ZBTB40: variants seen among roughly 807,000 people sequenced by gnomAD.
ZBTB40 encodes the protein zinc finger and BTB domain-containing protein 40.
ZBTB40 carries 60 observed loss-of-function variants against 117.5 expected under a neutral mutation model. That is an observed-to-expected ratio of 0.51 (90% CI 0.41 to 0.63). The LOEUF is 0.63. ZBTB40 is among the 30% of genes least tolerant of loss of function. The probability of loss-of-function intolerance (pLI) is 0.00; values close to 1 mark genes in which losing one functional copy is unlikely to be tolerated. For synonymous variants in ZBTB40, 525 were observed against 577.1 expected, an observed-to-expected ratio of 0.91 and a Z score of 1.29; for missense variants, 1,287 against 1,498.5, an observed-to-expected ratio of 0.86 and a Z score of 2.33.
intron 3 of ZBTB40, among the ~76,000 whole-genome samples, chr1:22,496,407 T>C (rs1444959566): frequency 6.6e-6 from 1 of 151,974 alleles, no homozygotes; most frequent in African/African-American, 2.4e-5. Context: ...CACATTGATA[T>C]AAAACAACTA....
intron 13 of ZBTB40, chr1:22,517,756 C>T (rs555232861): frequency 3.2e-5 from 12 of 375,910 alleles, no homozygotes; most frequent in African/African-American, 2.0e-4. Context: ...AGGAGAAAGC[C>T]TCTGTAACTG....
intron 3 of ZBTB40, 48 bp from the exon 4 acceptor site, chr1:22,501,444 G>T: frequency 6.2e-7 from 1 of 1,607,582 alleles, no homozygotes; most frequent in Admixed American, 1.7e-5. Flanking sequence ...GGAGCGGATG[G>T]TTCTTGTGGT....
intron 1 of ZBTB40, among the ~76,000 whole-genome samples, chr1:22,488,287 A>AT (rs1168810880): frequency 6.6e-6 from 1 of 152,262 alleles, no homozygotes; most frequent in Admixed American, 6.5e-5. Context: ...TGGAGCTTAC[A>AT]TTCTAGTGAA....
intron 3 of ZBTB40, among the ~76,000 whole-genome samples, chr1:22,501,198 A>C (rs1340869436): frequency 6.6e-6 from 1 of 152,232 alleles, no homozygotes; most frequent in African/African-American, 2.4e-5. Flanking sequence ...GTCAAATTAA[A>C]AGCAGTGAAG....
At chr1:22,431,380 GTGTGTATATATA>G (rs1232344926) in intron 1 of ZBTB40, among the ~76,000 whole-genome samples, 5 of 15,240 alleles carry the variant, frequency 3.3e-4, no homozygotes, top group Non-Finnish European at 1.4e-3. Context: ...GTGTGTGTGT[GTGTGTATATATA>G]TATATATATA....
intron 9 of ZBTB40, among the ~76,000 whole-genome samples, chr1:22,510,389 A>G (rs1023349829): frequency 6.6e-6 from 1 of 152,240 alleles, no homozygotes; most frequent in African/African-American, 2.4e-5. Context: ...CCGTAACTTC[A>G]GAGATGGGGC....
chr1:22,501,828 A>G, intron 4 of ZBTB40, 144 bp downstream of exon 4: 1 of 944,762 alleles, frequency 1.1e-6, no homozygotes, highest in Admixed American at 2.0e-5. Context: ...CAGAAGCTGC[A>G]TGTTAAATAT....
At chr1:22,491,607 G>T in intron 3 of ZBTB40, 74 bp downstream of exon 3, 2 of 1,516,504 alleles carry the variant, frequency 1.3e-6, no homozygotes, top group Non-Finnish European at 1.8e-6. Context: ...TTTTATATGG[G>T]GCAGAAATAG....
At chr1:22,477,453 A>G (rs564656256) in intron 1 of ZBTB40, among the ~76,000 whole-genome samples, 25 of 152,272 alleles carry the variant, frequency 1.6e-4, no homozygotes, top group African/African-American at 6.0e-4. Context: ...GATCGAGACC[A>G]TCCTGGCCAA....
intron 1 of ZBTB40, among the ~76,000 whole-genome samples, chr1:22,460,415 CTT>C (rs1262295152): frequency 6.6e-6 from 1 of 152,076 alleles, no homozygotes; most frequent in Non-Finnish European, 1.5e-5. Flanking sequence ...TAATTCATGT[CTT>C]AACATTATAT....
chr1:22,500,010 C>T (rs1638884249), intron 3 of ZBTB40, among the ~76,000 whole-genome samples: 1 of 152,102 alleles, frequency 6.6e-6, no homozygotes, highest in Admixed American at 6.6e-5. Context: ...ATTTTATAAT[C>T]TTGACACTAA....
chr1:22,516,470 A>T (rs575220073), intron 12 of ZBTB40, among the ~76,000 whole-genome samples: 1 of 55,922 alleles, frequency 1.8e-5, no homozygotes, highest in East Asian at 1.0e-3. Flanking sequence ...CTGAGAGATC[A>T]TCTAGAAACA....
chr1:22,519,744 G>GT, intron 13 of ZBTB40: 20 of 387,420 alleles, frequency 5.2e-5, no homozygotes, highest in East Asian at 1.2e-4. Flanking sequence ...GAGCCAGGGT[G>GT]AAACTCCCTG....
At position 22,529,800 on chromosome 1, in the gene ZBTB40, G is replaced by A. The variant is rs1218385519; in HGVS notation, c.*3404G>A. On this transcript the variant is annotated 3_prime_UTR_variant, in exon 18 of 18. Coordinates refer to ENST00000375647, the MANE Select transcript of ZBTB40 (RefSeq NM_014870.4). Reference sequence around the variant, plus strand: ...GCATTCTGACTTCCCACTGACCACGGAAGGCATGTCAGCTTCATGCCTCGG... The same window carrying A: ...GCATTCTGACTTCCCACTGACCACGAAAGGCATGTCAGCTTCATGCCTCGG... The A allele has an allele frequency of 2.6e-5, 4 of 152,232 alleles. No homozygotes were observed. The highest frequency in any genetic ancestry group is 5.9e-5 in the Non-Finnish European group (4 of 68,034). The allele number at this position is 152,232 out of a possible 1,614,324, so 9.4% of individuals were successfully genotyped here. A position where few individuals can be genotyped will look rare whatever the true frequency, so the allele number is the denominator to read the frequency against.
intron 16 of ZBTB40, among the ~76,000 whole-genome samples, chr1:22,524,010 C>T (rs1247502200): frequency 6.6e-6 from 1 of 152,160 alleles, no homozygotes; most frequent in East Asian, 1.9e-4. Context: ...CTTGCATGGA[C>T]CCTTCCAAGG....
upstream of ZBTB40, among the ~76,000 whole-genome samples, chr1:22,450,436 C>T (rs1640846856): frequency 6.6e-6 from 1 of 152,172 alleles, no homozygotes; most frequent in South Asian, 2.1e-4. Flanking sequence ...ATAACAGCTA[C>T]AGTAAATCCG....
intron 1 of ZBTB40, among the ~76,000 whole-genome samples, chr1:22,479,838 T>A (rs1638239098): frequency 1.3e-5 from 2 of 152,218 alleles, no homozygotes; most frequent in Non-Finnish European, 2.9e-5. Flanking sequence ...CACACATTTT[T>A]TCTTTAGCTT....
intron 1 of ZBTB40, among the ~76,000 whole-genome samples, chr1:22,446,200 T>C (rs1191427222): frequency 6.8e-6 from 1 of 146,686 alleles, no homozygotes; most frequent in Non-Finnish European, 1.5e-5. Flanking sequence ...CTTAAGGATA[T>C]GTCAGTAGAA....
In ZBTB40 at chr1:22,435,512, C is replaced by T. The variant is rs1206056889; in HGVS notation, c.-70+6498C>T. On this transcript the variant is annotated intron_variant, in intron 1 of 8. Coordinates refer to the ZBTB40 transcript ENST00000650433. ...TCTTAATATATTTGATTCTTTAGGG[C>T]TTTCTAGTTATATAATCCTGTTATC... Among the ~76,000 whole-genome samples, 3 of 151,912 alleles carry T rather than the reference C, an allele frequency of 2.0e-5. No individual in the cohort carries two copies. The East Asian group carries it at 5.8e-4, about 29-fold the overall frequency.
Sources: allele counts gnomAD v4.1 joint callset (sites outside exome capture counted in the v4.1 genomes callset), GRCh38; gene constraint gnomAD v4.1.1; transcripts MANE v1.5; gene names NCBI Gene and HGNC (gene_info 2026-07-23, HGNC 2026-07-21).